The following OTUD7A variants were observed in gnomAD, a reference collection of about 807,000 sequenced individuals.
OTUD7A encodes OTU domain-containing protein 7A.
A neutral mutation model predicts 65.7 loss-of-function variants in OTUD7A; 12 were observed. That is an observed-to-expected ratio of 0.18 (90% CI 0.12 to 0.30). The LOEUF (loss-of-function observed/expected upper bound fraction) is 0.30. Among genes scored for constraint, OTUD7A ranks in the 10% least tolerant of loss-of-function variants. OTUD7A has a pLI of 1.00. For synonymous variants in OTUD7A, 641 were observed against 586.3 expected (o/e 1.09, Z -1.35); for missense variants, 1,148 against 1,304.8 (o/e 0.88, Z 1.85).
intron 1 of OTUD7A, among the ~76,000 whole-genome samples, chr15:31,709,214 T>C (rs1438559830): frequency 6.6e-6 from 1 of 151,708 alleles, no homozygotes; most frequent in African/African-American, 2.4e-5. Context: ...GACCACAGGA[T>C]GAATCCCCAA....
chr15:31,726,144 A>G (rs188883354), intron 1 of OTUD7A, among the ~76,000 whole-genome samples: 1 of 151,424 alleles, frequency 6.6e-6, no homozygotes. Flanking sequence ...TTCTCTGTCT[A>G]CACTTTCCTC....
intron 8 of OTUD7A, among the ~76,000 whole-genome samples, chr15:31,506,254 A>T (rs2041564543): frequency 2.0e-5 from 3 of 151,256 alleles, no homozygotes; most frequent in Non-Finnish European, 4.4e-5. Context: ...AGCTTTTTTT[A>T]AGGCAATTTG....
intron 3 of OTUD7A, among the ~76,000 whole-genome samples, chr15:31,616,030 C>T (rs1211281132): frequency 6.6e-6 from 1 of 152,240 alleles, no homozygotes; most frequent in Non-Finnish European, 1.5e-5. Context: ...TCTTCTCCCA[C>T]CCCCTCAGGA....
chr15:31,773,500 C>T (rs1895293839), intron 1 of OTUD7A, among the ~76,000 whole-genome samples: 1 of 152,206 alleles, frequency 6.6e-6, no homozygotes, highest in Admixed American at 6.5e-5. Flanking sequence ...TAATCTCATT[C>T]ATGAGGGATA....
intron 3 of OTUD7A, among the ~76,000 whole-genome samples, chr15:31,589,684 G>T (rs1194694881): frequency 6.6e-6 from 1 of 152,028 alleles, no homozygotes; most frequent in East Asian, 1.9e-4. Context: ...ATGCCTGGCG[G>T]ATGTGATTGT....
At chr15:31,571,911 C>T (rs536232453) in intron 3 of OTUD7A, among the ~76,000 whole-genome samples, 1 of 152,292 alleles carries the variant, frequency 6.6e-6, no homozygotes, top group East Asian at 1.9e-4. Context: ...CACACTTCCT[C>T]TTCTGCACCC....
intron 1 of OTUD7A, among the ~76,000 whole-genome samples, chr15:31,668,183 A>T (rs1892371896): frequency 6.6e-6 from 1 of 152,196 alleles, no homozygotes; most frequent in African/African-American, 2.4e-5. Flanking sequence ...TATTTGAATG[A>T]CTAGGTCTCT....
intron 3 of OTUD7A, among the ~76,000 whole-genome samples, chr15:31,616,008 G>C (rs913379266): frequency 6.6e-6 from 1 of 152,224 alleles, no homozygotes; most frequent in Non-Finnish European, 1.5e-5. Context: ...GTTCTGATGA[G>C]GTATGGGCCT....
At chr15:31,868,667 C>A (rs1897943063) in intron 1 of OTUD7A, among the ~76,000 whole-genome samples, 1 of 152,150 alleles carries the variant, frequency 6.6e-6, no homozygotes. Context: ...CACACTTGCT[C>A]AGAGAAAGGT....
At chr15:31,546,274 T>G (rs1888128584) in intron 5 of OTUD7A, among the ~76,000 whole-genome samples, 1 of 152,218 alleles carries the variant, frequency 6.6e-6, no homozygotes, top group South Asian at 2.1e-4. Context: ...GCACCCCACT[T>G]TTATTATAAT....
intron 9 of OTUD7A, 78 bp from the exon 10 acceptor site, chr15:31,501,917 C>A (rs2041473237): frequency 2.0e-6 from 3 of 1,477,100 alleles, no homozygotes; most frequent in Non-Finnish European, 2.8e-6. Context: ...ATCCCTGTCC[C>A]TCACTACCCC....
intron 1 of OTUD7A, among the ~76,000 whole-genome samples, chr15:31,787,084 C>A (rs76816695): frequency 6.6e-6 from 1 of 152,230 alleles, no homozygotes; most frequent in South Asian, 2.1e-4. Flanking sequence ...TGGCCACAGA[C>A]GAGGCTGTTT....
Position 31,726,347 on chromosome 15 carries a change from GCACACA to G in OTUD7A, c.-99-69276_-99-69271del, listed in dbSNP as rs5811658. ...TCTCGAATTACACACACACACACAC[GCACACA>G]CACACACACACACACTTTGTGAAAT... is the stretch of plus-strand genomic sequence containing the variant. On this transcript the variant is annotated intron_variant, in intron 1 of 12. Coordinates refer to ENST00000307050, the MANE Select transcript of OTUD7A (RefSeq NM_001382637.1). 1.1e-4 allele frequency among the ~76,000 whole-genome samples: 16 copies of G among 149,912 alleles called. No individual in the cohort carries two copies. The East Asian group carries it at 1.2e-3, about 11-fold the overall frequency.
intron 1 of OTUD7A, among the ~76,000 whole-genome samples, chr15:31,806,325 T>G (rs1011938768): frequency 6.6e-6 from 1 of 152,188 alleles, no homozygotes; most frequent in African/African-American, 2.4e-5. Flanking sequence ...AGAAGTACAT[T>G]TGCACTAATG....
chr15:31,666,746 A>T (rs753468098), intron 1 of OTUD7A, among the ~76,000 whole-genome samples: 2 of 151,906 alleles, frequency 1.3e-5, no homozygotes, highest in African/African-American at 4.8e-5. Context: ...CTGCCCTTTC[A>T]GTCTTTTTGA....
In OTUD7A at chr15:31,511,709, CAT is replaced by C. The variant is rs1331109174; in HGVS notation, c.894-7893_894-7892del. Among the ~76,000 whole-genome samples, 12 of 138,046 alleles carry C rather than the reference CAT, an allele frequency of 8.7e-5. 4 individuals carry two copies. In the East Asian group the frequency reaches 1.8e-3, roughly 21 times the overall value. The allele number at this position is 138,046 out of a possible 152,430, so 90.6% of individuals were successfully genotyped here. On this transcript the variant is annotated intron_variant, in intron 8 of 12. Coordinates refer to ENST00000307050, the MANE Select transcript of OTUD7A (RefSeq NM_001382637.1). ...TATATGTATATCTATATGTAACACA[CAT>C]ATATATGTATATCTATATGTAACAC...
chr15:31,776,400 T>C (rs1895381125), intron 1 of OTUD7A, among the ~76,000 whole-genome samples: 1 of 152,176 alleles, frequency 6.6e-6, no homozygotes, highest in South Asian at 2.1e-4. Context: ...TGCCAGAATC[T>C]GTGGGGAGAG....
At chr15:31,795,427 G>A (rs1895926611) in intron 1 of OTUD7A, among the ~76,000 whole-genome samples, 1 of 152,206 alleles carries the variant, frequency 6.6e-6, no homozygotes, top group Non-Finnish European at 1.5e-5. Flanking sequence ...GTGCTGACCT[G>A]GAGGAGTGGG....
At position 31,796,200 on chromosome 15, in the gene OTUD7A, CTAT is replaced by C. The variant is rs1895953847; in HGVS notation, c.-100+74304_-100+74306del. 3.6e-5 allele frequency among the ~76,000 whole-genome samples: 3 copies of C among 83,428 alleles called. No homozygotes were observed. The South Asian group carries it at 1.4e-3, about 39-fold the overall frequency. The allele number at this position is 83,428 out of a possible 152,430, so 54.7% of individuals were successfully genotyped here. ...ATGTATCTATGCATTATCTATCTAT[CTAT>C]CTATCTATCTATCTATCTATCTATC... On this transcript the variant is annotated intron_variant, in intron 1 of 12. Transcript: ENST00000307050.
Sources: gnomAD v4.1 joint callset for allele counts (sites outside exome capture counted in the v4.1 genomes callset) on GRCh38, gnomAD v4.1.1 for gene constraint, MANE v1.5 for transcripts, NCBI Gene and HGNC (gene_info 2026-07-23, HGNC 2026-07-21) for gene names.